The following ARHGAP15 variants were observed in gnomAD, a reference collection of about 807,000 sequenced individuals.
The protein encoded by ARHGAP15 is Rho GTPase activating protein 15, also known as rho GTPase-activating protein 15.
A neutral mutation model predicts 63.7 loss-of-function variants in ARHGAP15; 51 were observed. The observed-to-expected ratio is 0.80, with a 90% CI of 0.64 to 1.01. The LOEUF is 1.01. ARHGAP15 is among the 50% of genes least tolerant of loss of function. The pLI is 0.00. For missense variants in ARHGAP15, 560 were observed against 564.6 expected, an observed-to-expected ratio of 0.99 and a Z score of 0.08; for synonymous variants, 191 against 193.8, an observed-to-expected ratio of 0.99 and a Z score of 0.12.
At chr2:143,392,628 A>C (rs1012310711) in intron 6 of ARHGAP15, among the ~76,000 whole-genome samples, 3 of 152,206 alleles carry the variant, frequency 2.0e-5, no homozygotes, top group Non-Finnish European at 2.9e-5. Flanking sequence ...TGGCTGTTTC[A>C]GCAGCTTGAA....
chr2:143,408,809 C>T (rs1688322800), intron 6 of ARHGAP15, among the ~76,000 whole-genome samples: 1 of 151,736 alleles, frequency 6.6e-6, no homozygotes, highest in South Asian at 2.1e-4. Flanking sequence ...TATCAAACTT[C>T]AGTATAATTA....
At chr2:143,552,069 C>T (rs1574623757) in intron 10 of ARHGAP15, among the ~76,000 whole-genome samples, 2 of 152,252 alleles carry the variant, frequency 1.3e-5, no homozygotes, top group East Asian at 1.9e-4. Context: ...AGGGAGAAGC[C>T]AGAAGTTCAA....
At chr2:143,612,668 C>A (rs533140056) in intron 11 of ARHGAP15, among the ~76,000 whole-genome samples, 1 of 152,312 alleles carries the variant, frequency 6.6e-6, no homozygotes, top group Admixed American at 6.5e-5. Context: ...CAGACCTGGG[C>A]AAAGCCAAAA....
chr2:143,419,618 T>C (rs940436915), intron 6 of ARHGAP15, among the ~76,000 whole-genome samples: 4 of 151,722 alleles, frequency 2.6e-5, no homozygotes, highest in Non-Finnish European at 2.9e-5. Flanking sequence ...CGATATTGTA[T>C]ATTTAATTTG....
chr2:143,232,626 A>G (rs1242478018), intron 5 of ARHGAP15, among the ~76,000 whole-genome samples: 2 of 152,216 alleles, frequency 1.3e-5, no homozygotes, highest in African/African-American at 2.4e-5. Context: ...GATGAGTTAT[A>G]GACCCTGCCA....
intron 1 of ARHGAP15, among the ~76,000 whole-genome samples, chr2:143,144,692 C>G (rs1307287425): frequency 1.3e-5 from 2 of 151,978 alleles, no homozygotes; most frequent in African/African-American, 2.4e-5. Context: ...TACTTACCTG[C>G]TTAGCTACCT....
chr2:143,223,679 T>C (rs1457979713), intron 4 of ARHGAP15, among the ~76,000 whole-genome samples: 1 of 152,102 alleles, frequency 6.6e-6, no homozygotes, highest in African/African-American at 2.4e-5. Flanking sequence ...AGAAAGAGAT[T>C]CTAGTACTTC....
At chr2:143,417,657 T>G (rs1039859977) in intron 6 of ARHGAP15, among the ~76,000 whole-genome samples, 2 of 152,192 alleles carry the variant, frequency 1.3e-5, no homozygotes, top group Admixed American at 1.3e-4. Flanking sequence ...GGCACAGATA[T>G]GACCAAAGTG....
chr2:143,470,004 T>A (rs1691441005), intron 8 of ARHGAP15, among the ~76,000 whole-genome samples: 1 of 152,016 alleles, frequency 6.6e-6, no homozygotes, highest in South Asian at 2.1e-4. Context: ...ATACAGAGAA[T>A]TCTCTTTATC....
At chr2:143,443,273 T>C (rs1689975867) in intron 8 of ARHGAP15, among the ~76,000 whole-genome samples, 1 of 152,102 alleles carries the variant, frequency 6.6e-6, no homozygotes, top group African/African-American at 2.4e-5. Flanking sequence ...ATGAAAACAG[T>C]ATTAAAATTG....
Position 143,644,224 on chromosome 2 carries a change from C to G in ARHGAP15, c.1138+19957C>G, listed in dbSNP as rs1035662978. ...AAATGTGGTTGGACAAAAGTATGATCTAATGGTAATAGACTGGGGGTAGGG... is the reference window on the plus strand; with the variant it reads ...AAATGTGGTTGGACAAAAGTATGATGTAATGGTAATAGACTGGGGGTAGGG... On this transcript the variant is annotated intron_variant, in intron 12 of 13. Coordinates refer to ENST00000295095, the MANE Select transcript of ARHGAP15 (RefSeq NM_018460.4). Among the ~76,000 whole-genome samples the G allele has an allele frequency of 2.6e-5, 4 of 152,028 alleles. No individual in the cohort carries two copies. The East Asian group carries it at 7.7e-4, about 29-fold the overall frequency.
chr2:143,614,085 T>G (rs1698367041), intron 11 of ARHGAP15, among the ~76,000 whole-genome samples: 1 of 152,152 alleles, frequency 6.6e-6, no homozygotes, highest in South Asian at 2.1e-4. Context: ...TTACTTCTAG[T>G]TGAATTTTTC....
rs1340930239 is a variant in ARHGAP15 at position 143,665,096 on chromosome 2, C to G, written c.1139-38323C>G. ...GCCAGCATCATTCTGATACCAAAGC[C>G]TGGCAGAGACACAACCAAAAAAGAG... On this transcript the variant is annotated intron_variant, in intron 12 of 13. Transcript: ENST00000295095. Among the ~76,000 whole-genome samples, 238 of 151,976 alleles carry G rather than the reference C, an allele frequency of 1.6e-3. 1 individual carries two copies. The highest frequency in any genetic ancestry group is 2.5e-3 in the Non-Finnish European group (168 of 67,930).
At chr2:143,487,555 T>C in intron 9 of ARHGAP15, 60 bp downstream of exon 9, 1 of 1,540,492 alleles carries the variant, frequency 6.5e-7, no homozygotes, top group Non-Finnish European at 8.8e-7. Flanking sequence ...TCTGTGTTCA[T>C]AGCTAATCAG....
At chr2:143,335,712 C>A (rs1263451194) in intron 6 of ARHGAP15, among the ~76,000 whole-genome samples, 1 of 152,142 alleles carries the variant, frequency 6.6e-6, no homozygotes, top group African/African-American at 2.4e-5. Flanking sequence ...AAAAGCAAGT[C>A]TCTCAGTGTT....
chr2:143,757,380 G>A (rs777546690), intron 13 of ARHGAP15, among the ~76,000 whole-genome samples: 2 of 152,020 alleles, frequency 1.3e-5, no homozygotes, highest in Non-Finnish European at 2.9e-5. Context: ...GCATGGTAAC[G>A]CGTGACTGTA....
chr2:143,255,491 ATAT>A (rs563918842), intron 6 of ARHGAP15, among the ~76,000 whole-genome samples: 45 of 152,180 alleles, frequency 3.0e-4, no homozygotes, highest in African/African-American at 1.1e-3. Flanking sequence ...TTTTTATGTA[ATAT>A]TCTCCATGGA....
chr2:143,525,389 A>C (rs1049120155), intron 10 of ARHGAP15, among the ~76,000 whole-genome samples: 1 of 151,358 alleles, frequency 6.6e-6, no homozygotes, highest in African/African-American at 2.4e-5. Flanking sequence ...CAAGATAAGC[A>C]CTTTTTCTTT....
intron 12 of ARHGAP15, among the ~76,000 whole-genome samples, chr2:143,691,063 A>T (rs1316786246): frequency 6.6e-6 from 1 of 152,150 alleles, no homozygotes; most frequent in Non-Finnish European, 1.5e-5. Flanking sequence ...TGCCCAACTC[A>T]CAGTCCCTCA....
Sources: gnomAD v4.1 joint callset for allele counts (sites outside exome capture counted in the v4.1 genomes callset) on GRCh38, gnomAD v4.1.1 for gene constraint, MANE v1.5 for transcripts, NCBI Gene and HGNC (gene_info 2026-07-23, HGNC 2026-07-21) for gene names.